DSCAML1: variants seen among roughly 807,000 people sequenced by gnomAD.
DSCAML1 encodes the protein DS cell adhesion molecule like 1.
Under a neutral mutation model 200.5 loss-of-function variants are expected in DSCAML1, and 38 were observed. The ratio of observed to expected loss-of-function variants is 0.19; its 90% CI spans 0.15 to 0.25. DSCAML1 has a LOEUF of 0.25. Ranked by LOEUF, DSCAML1 falls within the 10% of genes least tolerant of loss-of-function variation. DSCAML1 has a pLI of 1.00. For missense variants in DSCAML1, 2,223 were observed against 2,858.8 expected (o/e 0.78, Z 5.07); for synonymous variants, 1,215 against 1,165.0 (o/e 1.04, Z -0.87).
At chr11:117,672,904 A>G (rs893042148) in intron 3 of DSCAML1, among the ~76,000 whole-genome samples, 1 of 152,228 alleles carries the variant, frequency 6.6e-6, no homozygotes, top group African/African-American at 2.4e-5. Flanking sequence ...AAGTGGAGGA[A>G]GTAAAACATT....
At chr11:117,554,828 A>G (rs2050531487) in intron 3 of DSCAML1, among the ~76,000 whole-genome samples, 1 of 152,210 alleles carries the variant, frequency 6.6e-6, no homozygotes, top group Non-Finnish European at 1.5e-5. Context: ...GCCAGTCCCC[A>G]GACTCCTTGT....
intron 3 of DSCAML1, among the ~76,000 whole-genome samples, chr11:117,584,488 A>G (rs77855139): frequency 0.014 from 2,113 of 152,346 alleles, 24 homozygotes; most frequent in East Asian, 0.05. Context: ...GCCCAAATCC[A>G]GAGTCCTTCA....
intron 3 of DSCAML1, among the ~76,000 whole-genome samples, chr11:117,653,885 G>A (rs1340769904): frequency 6.6e-6 from 1 of 152,220 alleles, no homozygotes; most frequent in Non-Finnish European, 1.5e-5. Flanking sequence ...AGAAAGCCAG[G>A]TGCGGTGGCT....
rs536362307 is a variant in DSCAML1, at chr11:117,470,362, T to G, written c.2954-382A>C. 3.9e-4 allele frequency among the ~76,000 whole-genome samples: 59 copies of G among 152,078 alleles called. 1 individual carries two copies. The highest frequency in any genetic ancestry group is 1.4e-3 in the African/African-American group (57 of 41,470). On this transcript the variant is annotated intron_variant, in intron 15 of 32. Transcript: ENST00000651296. ...AGGCCAAGGCGGGCGGATCACGAGG[T>G]CAGGAGATCGAGACCATCCTGGCTA... is the stretch of plus-strand genomic sequence containing the variant.
At chr11:117,718,625 T>C (rs1361320442) in intron 3 of DSCAML1, among the ~76,000 whole-genome samples, 1 of 149,934 alleles carries the variant, frequency 6.7e-6, no homozygotes, top group Non-Finnish European at 1.5e-5. Context: ...TCGCTCCCAG[T>C]TTTTCTTTCT....
chr11:117,719,373 G>A lies in DSCAML1; in HGVS notation c.511+57418C>T, dbSNP rs553207063. On this transcript the variant is annotated intron_variant, in intron 3 of 32. Coordinates refer to ENST00000651296, the MANE Select transcript of DSCAML1 (RefSeq NM_020693.4). ...GCAGGAGAATCACTTGAACCCGGGC[G>A]GCGAAGGTGGCAGTGAGCCGAGATT... Among the ~76,000 whole-genome samples, 6 of 152,364 alleles carry A rather than the reference G, an allele frequency of 3.9e-5. No individual in the cohort carries two copies. The East Asian group carries it at 9.6e-4, about 24-fold the overall frequency.
At position 117,613,781 on chromosome 11, in the gene DSCAML1, C is replaced by A. The variant is rs117945897; in HGVS notation, c.512-81259G>T. 1.7e-3 allele frequency among the ~76,000 whole-genome samples: 264 copies of A among 152,326 alleles called. 8 individuals carry two copies. The East Asian group carries it at 0.046, about 26-fold the overall frequency. ...CGGAGACTGAGGCTGCTCTTCCCAG[C>A]TACCTCCTGCCAGAGCCCAGGGAGG... On this transcript the variant is annotated intron_variant, in intron 3 of 32. Transcript: ENST00000651296.
Position 117,430,827 on chromosome 11 carries a change from G to A in DSCAML1, c.5581C>T (p.Pro1861Ser). The change falls in exon 32 of 33, where the codon CCC (proline) becomes TCC (serine). Residue 1861 changes from proline to serine, a missense_variant. Coordinates refer to ENST00000651296, the MANE Select transcript of DSCAML1 (RefSeq NM_020693.4). ...NADSMTSMST[P>S]SEPGICRFTA... is the part of the protein sequence containing the mutation. ...AAGCGGCAGATGCCAGGCTCTGAGG[G>A]TGTGCTCATGGATGTCATGCTGTCG... 1 of 1,614,184 alleles carries A rather than the reference G, an allele frequency of 6.2e-7. No homozygotes were observed. The highest frequency in any genetic ancestry group is 8.5e-7 in the Non-Finnish European group (1 of 1,180,024).
At chr11:117,660,401 C>T (rs980214443) in intron 3 of DSCAML1, among the ~76,000 whole-genome samples, 7 of 152,182 alleles carry the variant, frequency 4.6e-5, no homozygotes, top group African/African-American at 1.4e-4. Flanking sequence ...CCCATCTGGG[C>T]CCCAGGTTCC....
chr11:117,538,791 GGAGAAGGTGATAGACA>G (rs2050212135), intron 3 of DSCAML1, among the ~76,000 whole-genome samples: 1 of 151,294 alleles, frequency 6.6e-6, no homozygotes, highest in African/African-American at 2.4e-5. Flanking sequence ...AGTGTGGTGG[GGAGAAGGTGATAGACA>G]GGGGAGGAGG....
At chr11:117,695,322 T>C (rs1034636336) in intron 3 of DSCAML1, among the ~76,000 whole-genome samples, 9 of 149,172 alleles carry the variant, frequency 6.0e-5, no homozygotes, top group Non-Finnish European at 1.0e-4. Context: ...TTTCTTTTTT[T>C]TTTTTTTTTT....
At chr11:117,547,159 G>A (rs898682401) in intron 3 of DSCAML1, among the ~76,000 whole-genome samples, 9 of 152,182 alleles carry the variant, frequency 5.9e-5, no homozygotes, top group Admixed American at 2.6e-4. Flanking sequence ...CCCGGCCCTC[G>A]TCCGCTGCAC....
chr11:117,706,157 A>G (rs150235910), intron 3 of DSCAML1, among the ~76,000 whole-genome samples: 1 of 152,340 alleles, frequency 6.6e-6, no homozygotes, highest in African/African-American at 2.4e-5. Context: ...ATTTCTGCCC[A>G]GCACCAAAAT....
intron 3 of DSCAML1, among the ~76,000 whole-genome samples, chr11:117,638,720 A>G (rs2052341193): frequency 6.6e-6 from 1 of 152,198 alleles, no homozygotes; most frequent in Non-Finnish European, 1.5e-5. Flanking sequence ...ATCCCTTTTC[A>G]TGGCCAAATA....
In DSCAML1 at chr11:117,433,462, C is replaced by T. The variant is rs1255413911; in HGVS notation, c.4886G>A (p.Ser1629Asn). 1 of 1,613,096 alleles carries T rather than the reference C, an allele frequency of 6.2e-7. No homozygotes were observed. Among genetic ancestry groups the T allele is most frequent in the African/African-American group, 1.3e-5 (1 of 75,062 alleles). Residue 1629 changes from serine (S) to asparagine (N), a missense_variant, in exon 28 of 33, where the codon AGT (serine) becomes AAT (asparagine). Physicochemically the swap from Ser to Asn is conservative, Grantham distance 46. Coordinates refer to ENST00000651296, the MANE Select transcript of DSCAML1 (RefSeq NM_020693.4). ...CCACCTTATCAACATTTCTGCCAAA[C>T]TCTTTGCATCTGCAAAACAGTAGAG... ...KRLKRLRDAKSLAEMLISKNN... is the reference protein window; with the variant it reads ...KRLKRLRDAKNLAEMLISKNN...
At chr11:117,604,594 GTTGT>G (rs1181782341) in intron 3 of DSCAML1, among the ~76,000 whole-genome samples, 2 of 152,220 alleles carry the variant, frequency 1.3e-5, no homozygotes, top group East Asian at 1.9e-4. Flanking sequence ...CATCATTGCT[GTTGT>G]TTATTTATTC....
intron 1 of DSCAML1, 134 bp downstream of exon 1, chr11:117,796,900 G>A (rs2055589095): frequency 3.7e-6 from 2 of 546,320 alleles, no homozygotes; most frequent in Non-Finnish European, 5.5e-6. Flanking sequence ...CCTCCCCGCT[G>A]CGCCCCACCC....
intron 8 of DSCAML1, among the ~76,000 whole-genome samples, chr11:117,506,496 T>C (rs2049500013): frequency 6.6e-6 from 1 of 151,584 alleles, no homozygotes; most frequent in Non-Finnish European, 1.5e-5. Flanking sequence ...TGTGGCTTGG[T>C]TGCCTCTCCA....
Position 117,449,320 on chromosome 11 carries a change from G to A in DSCAML1, c.3708+1229C>T, listed in dbSNP as rs543179458. 7.6e-4 allele frequency among the ~76,000 whole-genome samples: 116 copies of A among 152,098 alleles called. 1 individual carries two copies. Among genetic ancestry groups the A allele is most frequent in the Non-Finnish European group, 1.5e-3 (99 of 68,014 alleles). On this transcript the variant is annotated intron_variant, in intron 20 of 32. Coordinates refer to ENST00000651296, the MANE Select transcript of DSCAML1 (RefSeq NM_020693.4). ...AAAATTCGCGGAGGTCTACAGTGAT[G>A]ACGTTTGTGCACTTTGCTGCATGTG...
Sources: gnomAD v4.1 joint callset for allele counts (sites outside exome capture counted in the v4.1 genomes callset) on GRCh38, gnomAD v4.1.1 for gene constraint, MANE v1.5 for transcripts, NCBI Gene and HGNC (gene_info 2026-07-23, HGNC 2026-07-21) for gene names.